Variants in FAM178B observed in about 807,000 individuals in gnomAD.
FAM178B encodes the protein family with sequence similarity 178 member B.
A neutral mutation model predicts 91.7 loss-of-function variants in FAM178B; 82 were observed. That is an observed-to-expected ratio of 0.89 (90% CI 0.75 to 1.07). The LOEUF is 1.07. Ranked by LOEUF, FAM178B falls within the 50% of genes least tolerant of loss-of-function variation. The pLI, the probability that FAM178B is intolerant of heterozygous loss-of-function variation, is 0.00. For missense variants in FAM178B, 769 were observed against 846.7 expected (o/e 0.91, Z 1.14); for synonymous variants, 368 against 359.4 (o/e 1.02, Z -0.27).
In FAM178B at chr2:96,986,529, G is replaced by C; in HGVS notation, c.-216C>G. ...TTGAGTTCCGACTCCAAACCAAGCG[G>C]CCAGCTCACAGCCGCCGCCGCCGCC... On this transcript the variant is annotated 5_prime_UTR_variant, in exon 1 of 17. Coordinates refer to ENST00000490605, the MANE Select transcript of FAM178B (RefSeq NM_001122646.3). The C allele has an allele frequency of 1.7e-6, 1 of 586,858 alleles. No individual in the cohort carries two copies. The highest frequency in any genetic ancestry group is 2.9e-6 in the Non-Finnish European group (1 of 347,550). 36.4% of individuals were successfully genotyped at this position (586,858 alleles called of 1,614,324 possible).
At chr2:96,901,935 T>A (rs2080941112) in intron 13 of FAM178B, among the ~76,000 whole-genome samples, 1 of 152,106 alleles carries the variant, frequency 6.6e-6, no homozygotes, top group South Asian at 2.1e-4. Flanking sequence ...GTAGCTGAGA[T>A]TACAGGTGCC....
intron 9 of FAM178B, among the ~76,000 whole-genome samples, chr2:96,927,231 C>T (rs892835754): frequency 2.6e-5 from 4 of 152,202 alleles, no homozygotes; most frequent in Non-Finnish European, 5.9e-5. Context: ...CAGGCATTTT[C>T]GCCATCCTCC....
intron 13 of FAM178B, chr2:96,898,137 C>A: frequency 1.0e-6 from 1 of 984,960 alleles, no homozygotes; most frequent in Non-Finnish European, 1.2e-6. Flanking sequence ...CCCTGTGCCC[C>A]CTTTTACAGT....
intron 16 of FAM178B, among the ~76,000 whole-genome samples, chr2:96,876,892 G>A (rs938389796): frequency 3.9e-5 from 6 of 152,102 alleles, no homozygotes; most frequent in Admixed American, 3.9e-4. Context: ...CGGAAGGGAG[G>A]GCACCAGCAC....
chr2:96,960,235 G>A, intron 6 of FAM178B, 53 bp downstream of exon 6: 2 of 1,538,572 alleles, frequency 1.3e-6, no homozygotes, highest in Middle Eastern at 2.0e-4. Flanking sequence ...CTCCAGGAGG[G>A]AGGGGTCCTG....
At chr2:96,881,270 CAAAAAAAAAAAA>C (rs1168855038) in intron 14 of FAM178B, among the ~76,000 whole-genome samples, 2 of 64,374 alleles carry the variant, frequency 3.1e-5, no homozygotes, top group African/African-American at 9.6e-5. Flanking sequence ...AAGCTGGTCT[CAAAAAAAAAAAA>C]AAAAAAAAAG....
At chr2:96,927,258 T>A (rs4481029) in intron 9 of FAM178B, among the ~76,000 whole-genome samples, 5,105 of 152,148 alleles carry the variant, frequency 0.034, 261 homozygotes, top group African/African-American at 0.1. Flanking sequence ...GAGGAAGACA[T>A]GGGGAGGGGC....
At chr2:96,937,351 G>T (rs897225281) in intron 8 of FAM178B, among the ~76,000 whole-genome samples, 11 of 152,186 alleles carry the variant, frequency 7.2e-5, no homozygotes, top group Admixed American at 2.6e-4. Context: ...CCAAGTTTGG[G>T]CTCCACTGAG....
chr2:96,897,847 A>T, intron 13 of FAM178B: 2 of 524,882 alleles, frequency 3.8e-6, no homozygotes, highest in Non-Finnish European at 4.9e-6. Context: ...GGGGCTCCCC[A>T]CTTCTGCGCA....
chr2:96,977,790 G>A (rs1368247845), intron 1 of FAM178B: 1 of 455,964 alleles, frequency 2.2e-6, no homozygotes, highest in South Asian at 1.6e-5. Flanking sequence ...CAATGTAAGA[G>A]CCCACTAAGT....
At chr2:96,922,655 G>A (rs779194432) in intron 10 of FAM178B, among the ~76,000 whole-genome samples, 11 of 151,960 alleles carry the variant, frequency 7.2e-5, no homozygotes, top group South Asian at 2.1e-4. Context: ...TGGCCTATTC[G>A]TTTACTTTCT....
chr2:96,902,751 G>T (rs750778928), intron 12 of FAM178B, 44 bp from the exon 13 acceptor site: 122 of 1,456,888 alleles, frequency 8.4e-5, no homozygotes, highest in Middle Eastern at 1.7e-4. Flanking sequence ...GCTGGAAGTC[G>T]GGGAGCCCGA....
At chr2:96,898,145 A>C in intron 13 of FAM178B, 1 of 982,922 alleles carries the variant, frequency 1.0e-6, no homozygotes, top group African/African-American at 1.7e-5. Flanking sequence ...CCCCTTTTAC[A>C]GTGAATCGAT....
Position 96,895,287 on chromosome 2 carries a change from C to T in FAM178B, c.1651-1236G>A, listed in dbSNP as rs1457138823. On this transcript the variant is annotated intron_variant, in intron 13 of 16. Coordinates refer to ENST00000490605, the MANE Select transcript of FAM178B (RefSeq NM_001122646.3). Reference sequence around the variant, plus strand: ...ACGAGACTTCCTTATCATCATCCAACACCTGTGTTCAGTTTTCTCTGTCTC... The same window carrying T: ...ACGAGACTTCCTTATCATCATCCAATACCTGTGTTCAGTTTTCTCTGTCTC... 7 of 378,126 alleles carry T rather than the reference C, an allele frequency of 1.9e-5. No individual in the cohort carries two copies. In the Admixed American group the frequency reaches 1.9e-4, roughly 10 times the overall value. 23.4% of individuals were successfully genotyped at this position (378,126 alleles called of 1,614,324 possible). A position where few individuals can be genotyped will look rare whatever the true frequency, so the allele number is the denominator to read the frequency against.
intron 12 of FAM178B, among the ~76,000 whole-genome samples, chr2:96,904,483 T>C (rs539874545): frequency 3.6e-4 from 55 of 151,176 alleles, no homozygotes; most frequent in Non-Finnish European, 6.8e-4. Context: ...GCATTTCTCC[T>C]ACCTCAGTCT....
intron 12 of FAM178B, among the ~76,000 whole-genome samples, chr2:96,903,889 G>C (rs1482401678): frequency 6.6e-6 from 1 of 152,172 alleles, no homozygotes; most frequent in Non-Finnish European, 1.5e-5. Flanking sequence ...ATTTTCTTAG[G>C]AAAGAGTCAA....
chr2:96,982,627 G>A (rs767355989), intron 1 of FAM178B, among the ~76,000 whole-genome samples: 1 of 151,534 alleles, frequency 6.6e-6, no homozygotes, highest in Non-Finnish European at 1.5e-5. Flanking sequence ...GGAGTGCAAT[G>A]TCATGATCAC....
intron 8 of FAM178B, among the ~76,000 whole-genome samples, chr2:96,930,033 C>G (rs568630516): frequency 1.3e-5 from 2 of 151,934 alleles, no homozygotes; most frequent in Admixed American, 1.3e-4. Flanking sequence ...CTGGGCAACA[C>G]GGTGAAACCT....
chr2:96,980,661 C>T (rs1016659356), intron 1 of FAM178B, among the ~76,000 whole-genome samples: 1 of 152,170 alleles, frequency 6.6e-6, no homozygotes, highest in Middle Eastern at 3.2e-3. Context: ...CCCTGGCCTC[C>T]GAAAGTGCTG....
Sources: gnomAD v4.1 joint callset for allele counts (sites outside exome capture counted in the v4.1 genomes callset) on GRCh38, gnomAD v4.1.1 for gene constraint, MANE v1.5 for transcripts, NCBI Gene and HGNC (gene_info 2026-07-23, HGNC 2026-07-21) for gene names.